The following FBXW2 variants were observed in gnomAD, a reference collection of about 807,000 sequenced individuals.
The protein encoded by FBXW2 is F-box/WD repeat-containing protein 2.
FBXW2 carries 12 observed loss-of-function variants against 46.0 expected under a neutral mutation model. The observed-to-expected ratio is 0.26, with a 90% CI of 0.17 to 0.42. The LOEUF is 0.42. FBXW2 is among the 10% of genes least tolerant of loss of function. FBXW2 has a pLI of 1.00. For synonymous variants in FBXW2, 203 were observed against 209.6 expected, an observed-to-expected ratio of 0.97 and a Z score of 0.27; for missense variants, 360 against 537.0, an observed-to-expected ratio of 0.67 and a Z score of 3.26.
chr9:120,778,258 T>A (rs1298176357), intron 4 of FBXW2, 93 bp downstream of exon 4: 1 of 1,118,020 alleles, frequency 8.9e-7, no homozygotes, highest in Non-Finnish European at 1.3e-6. Context: ...AAAAGCAGGT[T>A]AAATTAAAAA....
At chr9:120,792,871 C>T in intron 2 of FBXW2, 4 of 1,506,378 alleles carry the variant, frequency 2.7e-6, no homozygotes, top group Non-Finnish European at 2.7e-6. Context: ...CTTCAAGCAG[C>T]ACCCCACATA....
rs931422748 is a variant in FBXW2 at position 120,758,282 on chromosome 9, ACAT to A, written c.*6274_*6276del. ...CTGGCCCTAGGACTGGTGGAAAGGAACATCAAGAACTTTCCACGAGGATGGGAG... is the reference window on the plus strand; with the variant it reads ...CTGGCCCTAGGACTGGTGGAAAGGAACAAGAACTTTCCACGAGGATGGGAG... On this transcript the variant is annotated 3_prime_UTR_variant, in exon 8 of 8. Transcript: ENST00000608872. 2 of 152,198 alleles carry A rather than the reference ACAT, an allele frequency of 1.3e-5. No individual in the cohort carries two copies. The highest frequency in any genetic ancestry group is 2.9e-5 in the Non-Finnish European group (2 of 68,048). The allele number at this position is 152,198 out of a possible 1,614,324, so 9.4% of individuals were successfully genotyped here. A position where few individuals can be genotyped will look rare whatever the true frequency, so the allele number is the denominator to read the frequency against.
intron 5 of FBXW2, among the ~76,000 whole-genome samples, chr9:120,774,188 T>G (rs1338101684): frequency 6.6e-6 from 1 of 151,810 alleles, no homozygotes; most frequent in Admixed American, 6.6e-5. Flanking sequence ...ACACAAAAAA[T>G]TAGCCAGGCA....
rs1234415742 is a variant in FBXW2, at chr9:120,764,720, G to C, written c.1204C>G (p.Pro402Ala). ...TTTGATTTCCTGTACTCTGGCAGAG[G>C]CCAGCGACTAATCAGGCTCTCTGTC... ...LRTESLISRW[P>A]LPEYRKSKRG... is the part of the protein sequence containing the mutation. The change falls in exon 8 of 8, where the codon CCT becomes GCT. Residue 402 changes from proline (P) to alanine (A), a missense_variant. Transcript: ENST00000608872. The C allele has an allele frequency of 1.2e-6, 2 of 1,614,084 alleles. No individual in the cohort carries two copies. Among genetic ancestry groups the C allele is most frequent in the East Asian group, 2.2e-5 (1 of 44,888 alleles).
chr9:120,768,591 C>T (rs1588026485), intron 7 of FBXW2, among the ~76,000 whole-genome samples: 1 of 152,056 alleles, frequency 6.6e-6, no homozygotes. Context: ...CTTTGGGAGG[C>T]GGGTGGATCA....
At chr9:120,791,510 T>C (rs1249483709) in intron 2 of FBXW2, among the ~76,000 whole-genome samples, 4 of 152,198 alleles carry the variant, frequency 2.6e-5, no homozygotes, top group Admixed American at 1.3e-4. Flanking sequence ...CTCAGAAATA[T>C]AGCAGGGACA....
chr9:120,771,922 G>C (rs1439436620), intron 6 of FBXW2, among the ~76,000 whole-genome samples: 1 of 151,922 alleles, frequency 6.6e-6, no homozygotes, highest in Non-Finnish European at 1.5e-5. Context: ...AGCCAGGCGT[G>C]ATAGCACACG....
At position 120,778,481 on chromosome 9, in the gene FBXW2, C is replaced by T. The variant is rs1309876959; in HGVS notation, c.555G>A (p.Gln185=). 6.2e-7 allele frequency: 1 copy of T among 1,614,044 alleles called. No homozygotes were observed. The highest frequency in any genetic ancestry group is 2.2e-5 in the East Asian group (1 of 44,882). Residue 185 remains glutamine (Q), a synonymous_variant, in exon 4 of 8, where the codon CAG becomes CAA. Transcript: ENST00000608872. ...ACTTCACCGCTGCACAAGTGTGGGTCTGGATGCCATAAACGCACTGCCCTG... is the reference window on the plus strand; with the variant it reads ...ACTTCACCGCTGCACAAGTGTGGGTTTGGATGCCATAAACGCACTGCCCTG... ...VSTGQCVYGI[Q]THTCAAVKFD...
Position 120,764,411 on chromosome 9 carries a change from C to A in FBXW2, c.*148G>T. 1.1e-6 allele frequency: 1 copy of A among 928,566 alleles called. No homozygotes were observed. 57.5% of individuals were successfully genotyped at this position (928,566 alleles called of 1,614,324 possible). On this transcript the variant is annotated 3_prime_UTR_variant, in exon 8 of 8. Coordinates refer to ENST00000608872, the MANE Select transcript of FBXW2 (RefSeq NM_012164.4). ...CCCTCCCCCACCCCGAGCCCTGGCC[C>A]CTGGCAAAACATAGATAAATGATTG... is the stretch of plus-strand genomic sequence containing the variant.
At chr9:120,778,259 A>T in intron 4 of FBXW2, 92 bp downstream of exon 4, 1 of 1,134,162 alleles carries the variant, frequency 8.8e-7, no homozygotes, top group Non-Finnish European at 1.2e-6. Flanking sequence ...AAAGCAGGTT[A>T]AATTAAAAAA....
intron 6 of FBXW2, among the ~76,000 whole-genome samples, chr9:120,772,498 A>AACC (rs767839095): frequency 9.7e-5 from 1 of 10,340 alleles, no homozygotes; most frequent in Non-Finnish European, 2.4e-4. Flanking sequence ...CTCAAAAAAA[A>AACC]ACCAACAACA....
chr9:120,778,613 A>C, intron 3 of FBXW2, 68 bp from the exon 4 acceptor site: 1 of 1,353,008 alleles, frequency 7.4e-7, no homozygotes. Context: ...CAATCCCAAA[A>C]TCATGGTGTT....
At chr9:120,781,010 G>A (rs2044599899) in intron 3 of FBXW2, among the ~76,000 whole-genome samples, 1 of 150,354 alleles carries the variant, frequency 6.7e-6, no homozygotes, top group Non-Finnish European at 1.5e-5. Context: ...TTTGGTATAG[G>A]ACTGTTTCAA....
chr9:120,789,204 G>T (rs1187154324), intron 2 of FBXW2, among the ~76,000 whole-genome samples: 1 of 152,152 alleles, frequency 6.6e-6, no homozygotes, highest in Non-Finnish European at 1.5e-5. Context: ...AGAACAGACT[G>T]GACGCCAGTG....
intron 3 of FBXW2, among the ~76,000 whole-genome samples, chr9:120,784,904 G>A (rs939727373): frequency 6.8e-6 from 1 of 147,152 alleles, no homozygotes; most frequent in African/African-American, 2.5e-5. Flanking sequence ...CCGGGTGACA[G>A]AGGAGCTCCT....
chr9:120,771,972 T>A (rs140657483), intron 6 of FBXW2, among the ~76,000 whole-genome samples: 5 of 144,300 alleles, frequency 3.5e-5, no homozygotes, highest in African/African-American at 1.3e-4. Context: ...AGCACGAGCA[T>A]CACTTGAACC....
At position 120,761,545 on chromosome 9, in the gene FBXW2, C is replaced by A. The variant is rs2044196680; in HGVS notation, c.*3014G>T. On this transcript the variant is annotated 3_prime_UTR_variant, in exon 8 of 8. Transcript: ENST00000608872. ...GAGTAAAGAATAGTTTTAGTTATCC[C>A]CTATCCACTTCTCATTCTGACTCCC... is the stretch of plus-strand genomic sequence containing the variant. 6.6e-6 allele frequency: 1 copy of A among 152,172 alleles called. No homozygotes were observed. The highest frequency in any genetic ancestry group is 2.1e-4 in the South Asian group (1 of 4,824). 9.4% of individuals were successfully genotyped at this position (152,172 alleles called of 1,614,324 possible). A position where few individuals can be genotyped will look rare whatever the true frequency, so the allele number is the denominator to read the frequency against.
chr9:120,772,333 A>C (rs2044395677), intron 6 of FBXW2, among the ~76,000 whole-genome samples: 1 of 151,924 alleles, frequency 6.6e-6, no homozygotes, highest in African/African-American at 2.4e-5. Context: ...TCTCTACTAA[A>C]AATACAAAAA....
Position 120,776,200 on chromosome 9 carries a change from G to A in FBXW2, c.712C>T (p.Leu238=), listed in dbSNP as rs754340348. The A allele has an allele frequency of 3.7e-5, 59 of 1,614,092 alleles. No homozygotes were observed. Among genetic ancestry groups the A allele is most frequent in the Non-Finnish European group, 4.8e-5 (57 of 1,180,026 alleles). Residue 238 remains leucine (L), a synonymous_variant, in exon 5 of 8, where the codon CTG becomes TTG. Coordinates refer to ENST00000608872, the MANE Select transcript of FBXW2 (RefSeq NM_012164.4). ...GCAGAGCCGCTCACCAAGATATCCA[G>A]TTCATCATTGTAGTCCACGCTAAAT... The part of the protein sequence containing the change: ...AVFSVDYNDE[L]DILVSGSADF...
Sources: allele counts gnomAD v4.1 joint callset (sites outside exome capture counted in the v4.1 genomes callset), GRCh38; gene constraint gnomAD v4.1.1; transcripts MANE v1.5; gene names NCBI Gene and HGNC (gene_info 2026-07-23, HGNC 2026-07-21).